The following RANBP9 variants were observed in gnomAD, a reference collection of about 807,000 sequenced individuals.
RANBP9 encodes the protein ran-binding protein 9.
Under a neutral mutation model 84.3 loss-of-function variants are expected in RANBP9, and 15 were observed. The ratio of observed to expected loss-of-function variants is 0.18; its 90% CI spans 0.12 to 0.27. RANBP9 has a LOEUF of 0.27. Ranked by LOEUF, RANBP9 falls within the 10% of genes least tolerant of loss-of-function variation. RANBP9 has a pLI of 1.00. For synonymous variants in RANBP9, 392 were observed against 349.6 expected (o/e 1.12, Z -1.35); for missense variants, 809 against 912.8 (o/e 0.89, Z 1.46).
At chr6:13,672,965 A>G (rs1433970775) in intron 2 of RANBP9, among the ~76,000 whole-genome samples, 1 of 152,148 alleles carries the variant, frequency 6.6e-6, no homozygotes, top group African/African-American at 2.4e-5. Context: ...AAGGAGAAGA[A>G]ACAAAGAAAA....
intron 2 of RANBP9, among the ~76,000 whole-genome samples, chr6:13,661,847 G>C (rs948672849): frequency 6.6e-6 from 1 of 152,120 alleles, no homozygotes; most frequent in African/African-American, 2.4e-5. Context: ...AGATTACCTA[G>C]CAAGAAATGG....
intron 1 of RANBP9, among the ~76,000 whole-genome samples, chr6:13,699,865 TA>T (rs1185517977): frequency 1.3e-5 from 2 of 151,870 alleles, no homozygotes; most frequent in African/African-American, 4.8e-5. Flanking sequence ...GTCCCAAAAA[TA>T]AAAAAATAAA....
intron 1 of RANBP9, among the ~76,000 whole-genome samples, chr6:13,700,171 A>G (rs559966056): frequency 2.0e-5 from 3 of 152,338 alleles, no homozygotes; most frequent in Non-Finnish European, 2.9e-5. Flanking sequence ...AATCTGATGG[A>G]AAGAGTTTGA....
intron 2 of RANBP9, among the ~76,000 whole-genome samples, chr6:13,684,764 A>G (rs1318404387): frequency 6.6e-6 from 1 of 152,224 alleles, no homozygotes; most frequent in Non-Finnish European, 1.5e-5. Context: ...AATAATTATG[A>G]AGGTGATTAA....
At chr6:13,664,053 A>G (rs923135465) in intron 2 of RANBP9, among the ~76,000 whole-genome samples, 6 of 152,158 alleles carry the variant, frequency 3.9e-5, no homozygotes, top group African/African-American at 1.4e-4. Context: ...AAGAGAAATA[A>G]AATGCATAAA....
chr6:13,628,169 G>A (rs576423468), intron 12 of RANBP9, among the ~76,000 whole-genome samples: 1 of 152,300 alleles, frequency 6.6e-6, no homozygotes, highest in South Asian at 2.1e-4. Context: ...CTGAGGCAGT[G>A]AATAGTAAGA....
intron 2 of RANBP9, among the ~76,000 whole-genome samples, chr6:13,659,224 A>G (rs1016780696): frequency 6.6e-6 from 1 of 150,414 alleles, no homozygotes; most frequent in Non-Finnish European, 1.5e-5. Flanking sequence ...CCCAAGGGAC[A>G]CAGTACAAAT....
intron 5 of RANBP9, among the ~76,000 whole-genome samples, chr6:13,647,028 C>T (rs1166053279): frequency 6.6e-6 from 1 of 152,034 alleles, no homozygotes; most frequent in Non-Finnish European, 1.5e-5. Context: ...CTGAGAATAC[C>T]CAATGCTGAT....
intron 2 of RANBP9, among the ~76,000 whole-genome samples, chr6:13,675,823 T>C (rs1765874069): frequency 6.6e-6 from 1 of 151,482 alleles, no homozygotes; most frequent in Non-Finnish European, 1.5e-5. Context: ...ATCCCAGACA[T>C]TAAAAAAGTA....
intron 3 of RANBP9, 147 bp from the exon 4 acceptor site, chr6:13,657,423 C>T (rs1383572878): frequency 3.6e-6 from 2 of 554,048 alleles, no homozygotes; most frequent in African/African-American, 3.9e-5. Context: ...AACAATTACA[C>T]TACATAATTT....
chr6:13,634,153 G>C (rs905913511), intron 11 of RANBP9, among the ~76,000 whole-genome samples: 1 of 152,136 alleles, frequency 6.6e-6, no homozygotes, highest in African/African-American at 2.4e-5. Context: ...TAGCCTAGAG[G>C]CTCAACACCA....
At chr6:13,707,313 C>CCA (rs1758153558) in intron 1 of RANBP9, among the ~76,000 whole-genome samples, 2 of 152,196 alleles carry the variant, frequency 1.3e-5, no homozygotes, top group Admixed American at 1.3e-4. Context: ...GCCACCACAC[C>CCA]CACTGAAATT....
At chr6:13,656,777 T>C (rs1040139856) in intron 4 of RANBP9, among the ~76,000 whole-genome samples, 4 of 152,170 alleles carry the variant, frequency 2.6e-5, no homozygotes, top group African/African-American at 9.7e-5. Flanking sequence ...TTAGCACCTG[T>C]TACCCAGAGA....
intron 2 of RANBP9, among the ~76,000 whole-genome samples, chr6:13,661,813 T>A (rs992740730): frequency 6.6e-6 from 1 of 152,084 alleles, no homozygotes; most frequent in African/African-American, 2.4e-5. Context: ...GGGCATAATC[T>A]TAAAAGCTAC....
At chr6:13,677,181 A>G (rs1765905507) in intron 2 of RANBP9, among the ~76,000 whole-genome samples, 2 of 152,224 alleles carry the variant, frequency 1.3e-5, no homozygotes. Flanking sequence ...ATACAAGGTT[A>G]ATATGCAGAA....
intron 4 of RANBP9, among the ~76,000 whole-genome samples, chr6:13,655,144 G>A (rs1562306777): frequency 6.6e-6 from 1 of 152,216 alleles, no homozygotes; most frequent in East Asian, 1.9e-4. Flanking sequence ...TTAAATTTAA[G>A]AATGAATAAT....
intron 2 of RANBP9, among the ~76,000 whole-genome samples, chr6:13,660,533 C>T (rs1765518408): frequency 6.6e-6 from 1 of 151,534 alleles, no homozygotes; most frequent in Non-Finnish European, 1.5e-5. Context: ...AGGGCAAAAA[C>T]AAAAAAAGGA....
chr6:13,685,096 C>T (rs2113336875), intron 2 of RANBP9, among the ~76,000 whole-genome samples: 1 of 152,284 alleles, frequency 6.6e-6, no homozygotes, highest in Non-Finnish European at 1.5e-5. Context: ...GTAATTTGGC[C>T]ATGTGCATCA....
intron 13 of RANBP9, among the ~76,000 whole-genome samples, chr6:13,623,136 C>CA (rs1290854217): frequency 1.3e-5 from 2 of 152,144 alleles, no homozygotes; most frequent in Non-Finnish European, 2.9e-5. Flanking sequence ...GTTTCTTTGT[C>CA]AGACATTTGT....
Sources: allele counts gnomAD v4.1 joint callset (sites outside exome capture counted in the v4.1 genomes callset), GRCh38; gene constraint gnomAD v4.1.1; transcripts MANE v1.5; gene names NCBI Gene and HGNC (gene_info 2026-07-23, HGNC 2026-07-21).